Variants in DNER observed in about 807,000 individuals in gnomAD.
The protein encoded by DNER is delta/notch like EGF repeat containing.
In DNER, 33 loss-of-function variants were observed where a neutral mutation model predicts 78.2. The ratio of observed to expected loss-of-function variants is 0.42; its 90% CI spans 0.32 to 0.56. The LOEUF is 0.56. DNER is among the 20% of genes least tolerant of loss of function. The pLI is 0.11. For missense variants in DNER, 918 were observed against 975.3 expected, an observed-to-expected ratio of 0.94 and a Z score of 0.78; for synonymous variants, 417 against 384.8, an observed-to-expected ratio of 1.08 and a Z score of -0.98.
intron 10 of DNER, among the ~76,000 whole-genome samples, chr2:229,402,775 T>G (rs1693295878): frequency 6.6e-6 from 1 of 152,202 alleles, no homozygotes; most frequent in Admixed American, 6.5e-5. Flanking sequence ...TTCCATCCAC[T>G]GGTCCTCAGC....
rs563429216 is a variant in DNER, at chr2:229,472,404, A to G, written c.1261+4736T>C. ...TTTATTGCTGGAGGCTTTCATCACTACTGATTTCTTTTTATTCTTTATTAA... is the reference window on the plus strand; with the variant it reads ...TTTATTGCTGGAGGCTTTCATCACTGCTGATTTCTTTTTATTCTTTATTAA... On this transcript the variant is annotated intron_variant, in intron 7 of 12. Coordinates refer to ENST00000341772, the MANE Select transcript of DNER (RefSeq NM_139072.4). 6.2e-3 allele frequency among the ~76,000 whole-genome samples: 946 copies of G among 152,248 alleles called. 7 individuals carry two copies. The highest frequency in any genetic ancestry group is 9.1e-3 in the Non-Finnish European group (619 of 68,020).
intron 1 of DNER, among the ~76,000 whole-genome samples, chr2:229,699,968 C>T (rs541186246): frequency 5.3e-5 from 8 of 151,610 alleles, no homozygotes; most frequent in Non-Finnish European, 7.4e-5. Flanking sequence ...GGACAAAGGG[C>T]GAATTTAATT....
chr2:229,714,126 C>T (rs898507937), intron 1 of DNER, 22 bp downstream of exon 1: 15 of 1,287,714 alleles, frequency 1.2e-5, no homozygotes, highest in Non-Finnish European at 1.5e-5. Flanking sequence ...CGCCCCGCAC[C>T]GCGCCCGCCG....
At chr2:229,445,061 T>A (rs1694312322) in intron 8 of DNER, among the ~76,000 whole-genome samples, 1 of 152,192 alleles carries the variant, frequency 6.6e-6, no homozygotes, top group African/African-American at 2.4e-5. Flanking sequence ...GAGGGGTATT[T>A]TCACATGTGT....
intron 4 of DNER, among the ~76,000 whole-genome samples, chr2:229,558,102 T>C (rs1696886801): frequency 6.6e-6 from 1 of 152,166 alleles, no homozygotes; most frequent in African/African-American, 2.4e-5. Context: ...CTGGGGGCCA[T>C]TATCCTTAGC....
chr2:229,483,774 C>T (rs535100658), intron 6 of DNER, among the ~76,000 whole-genome samples: 2 of 152,318 alleles, frequency 1.3e-5, no homozygotes, highest in Admixed American at 1.3e-4. Flanking sequence ...CATTAGTTAG[C>T]TCTAAGCTCA....
chr2:229,402,525 AAGAC>A (rs1693289720), intron 10 of DNER, among the ~76,000 whole-genome samples: 2 of 152,236 alleles, frequency 1.3e-5, no homozygotes, highest in Non-Finnish European at 2.9e-5. Context: ...GTTGAGTTAA[AAGAC>A]AGAGAGAAAG....
rs74561041 is a variant in DNER at position 229,601,864 on chromosome 2, A to G, written c.277-9976T>C. On this transcript the variant is annotated intron_variant, in intron 1 of 12. Transcript: ENST00000341772. The stretch of plus-strand genomic sequence containing the variant: ...ATAAGCCCTGCTCAGCTGCAGATAT[A>G]TCAAGAATTAAAGGAATTGTTCTTC... Among the ~76,000 whole-genome samples the G allele has an allele frequency of 6.1e-3, 927 of 152,296 alleles. 8 individuals are homozygous for G. The highest frequency in any genetic ancestry group is 0.021 in the African/African-American group (893 of 41,568).
intron 9 of DNER, among the ~76,000 whole-genome samples, chr2:229,409,179 A>C (rs1048015331): frequency 6.6e-6 from 1 of 152,196 alleles, no homozygotes; most frequent in Non-Finnish European, 1.5e-5. Flanking sequence ...CTACTGATAC[A>C]CAAGTAGCCT....
At chr2:229,624,266 G>T (rs1487228283) in intron 1 of DNER, among the ~76,000 whole-genome samples, 3 of 152,124 alleles carry the variant, frequency 2.0e-5, no homozygotes, top group African/African-American at 7.2e-5. Flanking sequence ...GTGAAGTTAA[G>T]AAAGAGAAAA....
At chr2:229,713,398 G>T (rs1401764811) in intron 1 of DNER, among the ~76,000 whole-genome samples, 1 of 152,160 alleles carries the variant, frequency 6.6e-6, no homozygotes. Flanking sequence ...CCGCCCCCAC[G>T]CTTTCTGGCG....
At chr2:229,407,193 T>C (rs576493781) in intron 10 of DNER, 39 bp downstream of exon 10, 2 of 1,569,570 alleles carry the variant, frequency 1.3e-6, no homozygotes, top group South Asian at 1.1e-5. Context: ...TCGGGCACTT[T>C]GTGGTAAATT....
chr2:229,380,991 G>C (rs559312113), intron 11 of DNER, among the ~76,000 whole-genome samples: 1 of 152,026 alleles, frequency 6.6e-6, no homozygotes, highest in Admixed American at 6.6e-5. Context: ...CAAAATGGCC[G>C]AATAGGAACA....
At chr2:229,622,610 C>T (rs1027135377) in intron 1 of DNER, among the ~76,000 whole-genome samples, 4 of 152,140 alleles carry the variant, frequency 2.6e-5, no homozygotes, top group Non-Finnish European at 5.9e-5. Context: ...ATGTTGTAAT[C>T]CCCAGTACCT....
In DNER at chr2:229,654,637, C is replaced by A. The variant is rs574785473; in HGVS notation, c.276+59511G>T. Among the ~76,000 whole-genome samples the A allele has an allele frequency of 1.1e-4, 17 of 152,288 alleles. No homozygotes were observed. The East Asian group carries it at 1.4e-3, about 12-fold the overall frequency. ...AAGGTCCCGAATTCCAACTCTCTGG[C>A]CTTCGGGCACTGCCTATGCTTATGT... On this transcript the variant is annotated intron_variant, in intron 1 of 12. Transcript: ENST00000341772.
intron 1 of DNER, among the ~76,000 whole-genome samples, chr2:229,601,127 G>C (rs741381): frequency 0.031 from 4,657 of 152,190 alleles, 215 homozygotes; most frequent in African/African-American, 0.097. Context: ...TTCTAAAGGC[G>C]TTTAAGTTCT....
intron 5 of DNER, among the ~76,000 whole-genome samples, chr2:229,545,975 C>T (rs11891593): frequency 0.019 from 2,963 of 152,294 alleles, 108 homozygotes; most frequent in African/African-American, 0.067. Context: ...CTGTGTTTAC[C>T]TTTTGTTTCT....
Position 229,417,351 on chromosome 2 carries a change from C to T in DNER, c.1609+757G>A, listed in dbSNP as rs554223675. Among the ~76,000 whole-genome samples, 133 of 152,288 alleles carry T rather than the reference C, an allele frequency of 8.7e-4. 1 individual carries two copies. The highest frequency in any genetic ancestry group is 2.9e-3 in the African/African-American group (120 of 41,564). On this transcript the variant is annotated intron_variant, in intron 9 of 12. Coordinates refer to ENST00000341772, the MANE Select transcript of DNER (RefSeq NM_139072.4). Reference sequence around the variant, plus strand: ...AATGGCTATAAATAGAGCCCACAAACGCATTCCAAAATCTAAACCCGGCCC... The same window carrying T: ...AATGGCTATAAATAGAGCCCACAAATGCATTCCAAAATCTAAACCCGGCCC...
intron 1 of DNER, among the ~76,000 whole-genome samples, chr2:229,702,497 C>T (rs1192641761): frequency 6.6e-6 from 1 of 151,952 alleles, no homozygotes; most frequent in Admixed American, 6.6e-5. Flanking sequence ...GATCACATTA[C>T]TGCACTTCAG....
Sources: allele counts gnomAD v4.1 joint callset (sites outside exome capture counted in the v4.1 genomes callset), GRCh38; gene constraint gnomAD v4.1.1; transcripts MANE v1.5; gene names NCBI Gene and HGNC (gene_info 2026-07-23, HGNC 2026-07-21).